CTIF: variants seen among roughly 807,000 people sequenced by gnomAD.
CTIF encodes the protein CBP80/20-dependent translation initiation factor.
A neutral mutation model predicts 66.0 loss-of-function variants in CTIF; 21 were observed. The ratio of observed to expected loss-of-function variants is 0.32; its 90% CI spans 0.23 to 0.46. The LOEUF (loss-of-function observed/expected upper bound fraction) is 0.46, where lower values mean the gene tolerates loss of function less well. Ranked by LOEUF, CTIF falls within the 20% of genes least tolerant of loss-of-function variation. The pLI is 1.00. For missense variants in CTIF, 739 were observed against 812.7 expected (o/e 0.91, Z 1.10); for synonymous variants, 345 against 326.4 (o/e 1.06, Z -0.62).
intron 7 of CTIF, among the ~76,000 whole-genome samples, chr18:48,752,082 T>C (rs1235667497): frequency 6.6e-6 from 1 of 152,224 alleles, no homozygotes; most frequent in Non-Finnish European, 1.5e-5. Context: ...AAACATCTGA[T>C]TTCTAAAGCT....
At chr18:48,777,183 CAG>C (rs372004525) in intron 9 of CTIF, among the ~76,000 whole-genome samples, 1 of 152,216 alleles carries the variant, frequency 6.6e-6, no homozygotes, top group African/African-American at 2.4e-5. Context: ...GCCCCATTTA[CAG>C]AGTCTGGGGC....
chr18:48,712,241 C>T (rs2092232854), intron 7 of CTIF, among the ~76,000 whole-genome samples: 1 of 152,138 alleles, frequency 6.6e-6, no homozygotes, highest in African/African-American at 2.4e-5. Context: ...CCCACTTAAA[C>T]TAAGGCAGAA....
intron 7 of CTIF, among the ~76,000 whole-genome samples, chr18:48,726,755 A>T (rs969353134): frequency 6.6e-6 from 1 of 152,178 alleles, no homozygotes. Flanking sequence ...TGTTGGTCAC[A>T]TAGACTAACC....
chr18:48,658,616 T>G (rs1598817413), intron 3 of CTIF, among the ~76,000 whole-genome samples: 1 of 152,126 alleles, frequency 6.6e-6, no homozygotes, highest in East Asian at 1.9e-4. Context: ...TATGTGTGTC[T>G]GGTATGTATA....
intron 9 of CTIF, among the ~76,000 whole-genome samples, chr18:48,783,363 C>T (rs1911420057): frequency 6.6e-6 from 1 of 152,114 alleles, no homozygotes; most frequent in African/African-American, 2.4e-5. Context: ...ACCATATTGG[C>T]ATTAAGTTGT....
intron 9 of CTIF, among the ~76,000 whole-genome samples, chr18:48,773,792 C>T (rs769512464): frequency 2.6e-5 from 4 of 151,900 alleles, no homozygotes; most frequent in South Asian, 2.1e-4. Context: ...TGTTGCCCTT[C>T]GCCCATACCA....
At chr18:48,615,603 G>A (rs1568075107) in intron 1 of CTIF, among the ~76,000 whole-genome samples, 1 of 152,220 alleles carries the variant, frequency 6.6e-6, no homozygotes, top group Non-Finnish European at 1.5e-5. Context: ...GAGTTGCTGA[G>A]GGACCACGTG....
chr18:48,710,865 G>A (rs1016832007), intron 6 of CTIF, among the ~76,000 whole-genome samples: 3 of 152,118 alleles, frequency 2.0e-5, no homozygotes, highest in Non-Finnish European at 2.9e-5. Context: ...CTGGCTACAC[G>A]GGAGGCTGAG....
intron 6 of CTIF, among the ~76,000 whole-genome samples, chr18:48,710,430 A>G (rs2092211317): frequency 1.3e-5 from 2 of 151,340 alleles, no homozygotes; most frequent in Admixed American, 1.3e-4. Context: ...AAGCCAGACC[A>G]CTCCCTCCCA....
intron 6 of CTIF, among the ~76,000 whole-genome samples, chr18:48,685,600 G>A (rs1448702359): frequency 6.6e-6 from 1 of 152,130 alleles, no homozygotes; most frequent in East Asian, 1.9e-4. Context: ...AGAGGCACAG[G>A]GATTTCGTGA....
At chr18:48,852,771 G>A (rs568028003) in intron 10 of CTIF, among the ~76,000 whole-genome samples, 1 of 152,356 alleles carries the variant, frequency 6.6e-6, no homozygotes, top group East Asian at 1.9e-4. Context: ...TGGCATGTGT[G>A]TGGTTATATG....
intron 7 of CTIF, among the ~76,000 whole-genome samples, chr18:48,746,321 C>G (rs1248587747): frequency 6.6e-6 from 1 of 152,042 alleles, no homozygotes; most frequent in Non-Finnish European, 1.5e-5. Flanking sequence ...TCCACACTTT[C>G]CCTCTTGAAA....
At chr18:48,845,020 C>A (rs2069037650) in intron 10 of CTIF, among the ~76,000 whole-genome samples, 1 of 152,154 alleles carries the variant, frequency 6.6e-6, no homozygotes, top group Admixed American at 6.6e-5. Context: ...TTTAACCACA[C>A]CAGATTCCCA....
chr18:48,803,058 TTC>T (rs2068077749), intron 9 of CTIF, among the ~76,000 whole-genome samples: 1 of 152,226 alleles, frequency 6.6e-6, no homozygotes, highest in African/African-American at 2.4e-5. Context: ...ACTTCTCAGC[TTC>T]TCTCTGCTGC....
chr18:48,774,120 G>T (rs761621508), intron 9 of CTIF, among the ~76,000 whole-genome samples: 42 of 152,154 alleles, frequency 2.8e-4, no homozygotes, highest in Non-Finnish European at 4.6e-4. Flanking sequence ...AGGCGCTGTT[G>T]CAGGGGCAGC....
intron 6 of CTIF, 30 bp downstream of exon 6, chr18:48,670,774 C>G: frequency 1.3e-6 from 2 of 1,573,526 alleles, no homozygotes; most frequent in South Asian, 1.1e-5. Flanking sequence ...CTCTAACAGC[C>G]CACCCCCACC....
intron 1 of CTIF, among the ~76,000 whole-genome samples, chr18:48,547,461 C>A (rs1350469148): frequency 6.6e-6 from 1 of 152,212 alleles, no homozygotes; most frequent in Non-Finnish European, 1.5e-5. Flanking sequence ...TCTTAGAGGT[C>A]ATCTGGTCAA....
chr18:48,607,197 G>A (rs1479569492), intron 1 of CTIF, among the ~76,000 whole-genome samples: 1 of 152,158 alleles, frequency 6.6e-6, no homozygotes, highest in Non-Finnish European at 1.5e-5. Flanking sequence ...GGGCCTGGAG[G>A]CCACTCCAGG....
intron 1 of CTIF, among the ~76,000 whole-genome samples, chr18:48,591,446 G>A (rs1435246064): frequency 6.6e-6 from 1 of 152,162 alleles, no homozygotes; most frequent in Non-Finnish European, 1.5e-5. Flanking sequence ...CTGGCCCCAC[G>A]TCCAGTATGT....
Sources: gnomAD v4.1 joint callset for allele counts (sites outside exome capture counted in the v4.1 genomes callset) on GRCh38, gnomAD v4.1.1 for gene constraint, MANE v1.5 for transcripts, NCBI Gene and HGNC (gene_info 2026-07-23, HGNC 2026-07-21) for gene names.